DNAH17: variants seen among roughly 807,000 people sequenced by gnomAD.
The protein encoded by DNAH17 is dynein axonemal heavy chain 17.
In DNAH17, 376 loss-of-function variants were observed where a neutral mutation model predicts 485.6. The ratio of observed to expected loss-of-function variants is 0.77; its 90% CI spans 0.71 to 0.84. The LOEUF is 0.84. Ranked by LOEUF, DNAH17 falls within the 40% of genes least tolerant of loss-of-function variation. DNAH17 has a pLI of 0.00. For missense variants in DNAH17, 6,370 were observed against 5,839.3 expected (o/e 1.09, Z -2.96); for synonymous variants, 3,031 against 2,405.9 (o/e 1.26, Z -7.60).
In DNAH17 at chr17:78,429,178, C is replaced by T. The variant is rs145793853; in HGVS notation, c.12348G>A (p.Leu4116=). 1.0e-4 allele frequency: 161 copies of T among 1,613,788 alleles called. 1 individual carries two copies. Among genetic ancestry groups the T allele is most frequent in the Admixed American group, 3.3e-4 (20 of 60,014 alleles). Residue 4116 remains leucine, a synonymous_variant, in exon 76 of 81, where the codon CTG becomes CTA. Transcript: ENST00000389840. The part of the protein sequence containing the change: ...YLAEYIRTEM[L]EGDVLLAPGF... ...CGGGGGCCAGCAGGACGTCTCCCTC[C>T]AGCATCTCCGTCCGGATGTATTCAG...
chr17:78,495,073 G>A lies in DNAH17; in HGVS notation c.5928C>T (p.Asp1976=), dbSNP rs1357182201. The A allele has an allele frequency of 1.2e-6, 2 of 1,609,954 alleles. No individual in the cohort carries two copies. Among genetic ancestry groups the A allele is most frequent in the African/African-American group, 1.3e-5 (1 of 74,886 alleles). ...GCATGATCTCACATATCAGTTCGAA[G>A]TCGGGGACGACCATGGCACAGGGCC... The part of the protein sequence containing the change: ...LFRPCAMVVP[D]FELICEIMLM... Residue 1976 remains aspartate, a synonymous_variant, in exon 39 of 81, where the codon GAC becomes GAT. Transcript: ENST00000389840.
rs369640998 is a variant in DNAH17 at position 78,517,725 on chromosome 17, G to A, written c.3865-2703C>T. Among the ~76,000 whole-genome samples the A allele has an allele frequency of 1.2e-3, 178 of 152,300 alleles. 9 individuals are homozygous for A. In the South Asian group the frequency reaches 0.037, roughly 31 times the overall value. On this transcript the variant is annotated intron_variant, in intron 25 of 80. Coordinates refer to ENST00000389840, the MANE Select transcript of DNAH17 (RefSeq NM_173628.4). Reference sequence around the variant, plus strand: ...ATCTGACCCAAACAAAAAGCCTGCTGGCATTCTTTAAAAAGTTGTCAGTTC... The same window carrying A: ...ATCTGACCCAAACAAAAAGCCTGCTAGCATTCTTTAAAAAGTTGTCAGTTC...
Position 78,572,892 on chromosome 17 carries a change from G to A in DNAH17, c.348C>T (p.Val116=). The change falls in exon 3 of 81, where the codon GTC becomes GTT. Residue 116 remains valine (V), a splice_region_variant and synonymous_variant. Coordinates refer to ENST00000389840, the MANE Select transcript of DNAH17 (RefSeq NM_173628.4). ...VDQLIAVVEE[V]LSSLLNQSEN... Reference sequence around the variant, plus strand: ...CACTTTGGTTTAACAGAGAAGAGAGGACCTAAAAGGAAACACTTCTGTGGT... The same window carrying A: ...CACTTTGGTTTAACAGAGAAGAGAGAACCTAAAAGGAAACACTTCTGTGGT... 1.2e-6 allele frequency: 2 copies of A among 1,613,100 alleles called. No individual in the cohort carries two copies. The highest frequency in any genetic ancestry group is 2.2e-5 in the East Asian group (1 of 44,876).
chr17:78,458,523 G>A, intron 62 of DNAH17, 42 bp downstream of exon 62: 2 of 1,539,390 alleles, frequency 1.3e-6, no homozygotes, highest in Non-Finnish European at 1.8e-6. Flanking sequence ...CCCTTTCAGG[G>A]GGTCTGAGAG....
Position 78,475,326 on chromosome 17 carries a change from G to T in DNAH17, c.8463C>A (p.Asp2821Glu), listed in dbSNP as rs200383975. The T allele has an allele frequency of 3.3e-5, 54 of 1,613,850 alleles. No homozygotes were observed. Among genetic ancestry groups the T allele is most frequent in the Admixed American group, 1.2e-4 (7 of 59,992 alleles). Residue 2821 changes from aspartate to glutamate, a missense_variant, in exon 54 of 81, where the codon GAC becomes GAA. Physicochemically the swap from Asp to Glu is conservative, Grantham distance 45 (BLOSUM62 2). Coordinates refer to ENST00000389840, the MANE Select transcript of DNAH17 (RefSeq NM_173628.4). ...SRLAAYISGL[D>E]VFQITLKKGY... ...CCTTCTTGAGGGTGATCTGAAACACGTCAAGCCCGCTGATGTACGCTGCCA... is the reference window on the plus strand; with the variant it reads ...CCTTCTTGAGGGTGATCTGAAACACTTCAAGCCCGCTGATGTACGCTGCCA...
rs9907133 is a variant in DNAH17, at chr17:78,570,024, T to C, written c.1044+223A>G. 0.47 allele frequency among the ~76,000 whole-genome samples: 71,790 copies of C among 152,028 alleles called. 18,127 individuals carry two copies. The highest frequency in any genetic ancestry group is 0.65 in the African/African-American group (27,091 of 41,462). ...GACTCTCAGGGCAGACCTCCTCCTC[T>C]GTCCCCGTCTTCCCTTTCTTTTCCC... On this transcript the variant is annotated intron_variant, in intron 7 of 80. Transcript: ENST00000389840.
chr17:78,526,732 C>G lies in DNAH17; in HGVS notation c.3630G>C (p.Lys1210Asn). The G allele has an allele frequency of 1.2e-6, 2 of 1,606,092 alleles. No homozygotes were observed. The stretch of plus-strand genomic sequence containing the variant: ...TGAACCTCTCCCTGAACTCATGTTG[C>G]TTGAGCTGCGAGAGAAGAGTGCAAA... ...LRRKCQQFEL[K>N]QHEFRERFRR... The change falls in exon 24 of 81, where the codon AAG (lysine) becomes AAC (asparagine). Residue 1210 changes from lysine (K) to asparagine (N), a missense_variant. Coordinates refer to ENST00000389840, the MANE Select transcript of DNAH17 (RefSeq NM_173628.4).
Position 78,479,040 on chromosome 17 carries a change from G to A in DNAH17, c.7977C>T (p.Leu2659=), listed in dbSNP as rs1241949015. Residue 2659 remains leucine (L), a synonymous_variant, in exon 51 of 81, where the codon CTC becomes CTT. Transcript: ENST00000389840. ...AGAGCAGTACCTGGAAAATATTGGAGAGGTCCCTGAGGTTGAAGACATAAT... is the reference window on the plus strand; with the variant it reads ...AGAGCAGTACCTGGAAAATATTGGAAAGGTCCCTGAGGTTGAAGACATAAT... ...KFHYVFNLRD[L]SNIFQGLLFS... 3 of 1,613,946 alleles carry A rather than the reference G, an allele frequency of 1.9e-6. No homozygotes were observed. The highest frequency in any genetic ancestry group is 2.5e-6 in the Non-Finnish European group (3 of 1,179,862).
chr17:78,440,552 C>T (rs574147876), intron 72 of DNAH17, among the ~76,000 whole-genome samples: 1 of 152,140 alleles, frequency 6.6e-6, no homozygotes, highest in Admixed American at 6.6e-5. Context: ...AGCTACCGCC[C>T]CCGGCCTGCT....
chr17:78,438,440 GAGGAGGGAGGA>G (rs2086933566), intron 73 of DNAH17, among the ~76,000 whole-genome samples: 1 of 110,464 alleles, frequency 9.1e-6, no homozygotes, highest in Non-Finnish European at 1.8e-5. Context: ...GGAGGAGGAG[GAGGAGGGAGGA>G]GGGAGGAGGA....
At position 78,476,581 on chromosome 17, in the gene DNAH17, CT is replaced by C; in HGVS notation, c.8144del (p.Lys2715SerfsTer33). The C allele has an allele frequency of 6.2e-7, 1 of 1,610,042 alleles. No individual in the cohort carries two copies. The highest frequency in any genetic ancestry group is 8.5e-7 in the Non-Finnish European group (1 of 1,178,184). ...GGGCAGCTTGACTTACATCAAAGAA[CT>C]TCTTGGTGGAGGCCATGGTGACTCT... ...LHRVTMASTK[K>X]FFDDLGDELL... On this transcript the variant is annotated frameshift_variant, in exon 52 of 81. Coordinates refer to ENST00000389840, the MANE Select transcript of DNAH17 (RefSeq NM_173628.4). LOFTEE classifies it high-confidence loss of function.
chr17:78,438,009 C>G, intron 73 of DNAH17, 141 bp from the exon 74 acceptor site: 1 of 618,806 alleles, frequency 1.6e-6, no homozygotes, highest in Non-Finnish European at 2.8e-6. Context: ...GGCACTGCCC[C>G]ACCCCTCACC....
At chr17:78,445,035 G>C (rs2087222629) in intron 70 of DNAH17, among the ~76,000 whole-genome samples, 1 of 152,148 alleles carries the variant, frequency 6.6e-6, no homozygotes, top group Non-Finnish European at 1.5e-5. Context: ...ATGAGGCCTG[G>C]GATGGGCTAG....
In DNAH17 at chr17:78,505,404, T is replaced by C. The variant is rs769604145; in HGVS notation, c.4845A>G (p.Lys1615=). 6.2e-7 allele frequency: 1 copy of C among 1,613,932 alleles called. No individual in the cohort carries two copies. The highest frequency in any genetic ancestry group is 2.2e-5 in the East Asian group (1 of 44,860). Residue 1615 remains lysine, a synonymous_variant, in exon 31 of 81, where the codon AAA becomes AAG. Transcript: ENST00000389840. ...HLSKLFDSLC[K]LKFRLDASDK... Reference sequence around the variant, plus strand: ...CACTGGCATCGAGCCGGAACTTCAGTTTACACAGGCTATCGAAGAGTTTGG... The same window carrying C: ...CACTGGCATCGAGCCGGAACTTCAGCTTACACAGGCTATCGAAGAGTTTGG...
intron 74 of DNAH17, 93 bp from the exon 75 acceptor site, chr17:78,434,313 A>T: frequency 3.5e-5 from 41 of 1,173,078 alleles, no homozygotes; most frequent in Middle Eastern, 2.1e-4. Context: ...CCCTTGCCAG[A>T]TGCTTTGCTA....
chr17:78,558,116 A>G lies in DNAH17; in HGVS notation c.2170T>C (p.Tyr724His), dbSNP rs773413951. The G allele has an allele frequency of 6.2e-7, 1 of 1,613,404 alleles. No individual in the cohort carries two copies. Among genetic ancestry groups the G allele is most frequent in the South Asian group, 1.1e-5 (1 of 90,888 alleles). The change falls in exon 14 of 81, where the codon TAT becomes CAT. Residue 724 changes from tyrosine to histidine, a missense_variant. Physicochemically the swap from Tyr to His is moderately conservative, Grantham distance 83. Coordinates refer to ENST00000389840, the MANE Select transcript of DNAH17 (RefSeq NM_173628.4). Reference protein sequence around the residue: ...VGNLELIVGWYNEIKTIVKAV... With the variant: ...VGNLELIVGWHNEIKTIVKAV... Reference sequence around the variant, plus strand: ...CCGACTCACCAACTCACCTCATTATACCAGCCAACGATGAGCTCCAGGTTG... The same window carrying G: ...CCGACTCACCAACTCACCTCATTATGCCAGCCAACGATGAGCTCCAGGTTG...
intron 35 of DNAH17, 70 bp downstream of exon 35, chr17:78,501,114 G>A: frequency 2.7e-6 from 4 of 1,480,644 alleles, no homozygotes; most frequent in Non-Finnish European, 1.8e-6. Context: ...CTCCAAGTCG[G>A]ACAGTTCCAA....
chr17:78,541,772 C>T (rs1022605396), intron 17 of DNAH17, among the ~76,000 whole-genome samples: 1 of 152,172 alleles, frequency 6.6e-6, no homozygotes, highest in Non-Finnish European at 1.5e-5. Context: ...ACTTTACTAA[C>T]CCTAAGTCAA....
At chr17:78,505,853 C>T (rs184663975) in intron 30 of DNAH17, among the ~76,000 whole-genome samples, 2 of 152,076 alleles carry the variant, frequency 1.3e-5, no homozygotes, top group Non-Finnish European at 1.5e-5. Context: ...TGGTGCATGC[C>T]TGTAATCCCA....
Sources: gnomAD v4.1 joint callset for allele counts (sites outside exome capture counted in the v4.1 genomes callset) on GRCh38, gnomAD v4.1.1 for gene constraint, MANE v1.5 for transcripts, NCBI Gene and HGNC (gene_info 2026-07-23, HGNC 2026-07-21) for gene names.